The following PRCP variants were observed in gnomAD, a reference collection of about 807,000 sequenced individuals.
PRCP encodes the protein prolylcarboxypeptidase.
Under a neutral mutation model 54.2 loss-of-function variants are expected in PRCP, and 46 were observed. That is an observed-to-expected ratio of 0.85 (90% CI 0.67 to 1.09). The LOEUF (loss-of-function observed/expected upper bound fraction) is 1.09, where lower values mean the gene tolerates loss of function less well. Among genes scored for constraint, PRCP ranks in the 50% least tolerant of loss-of-function variants. The pLI, the probability that PRCP is intolerant of heterozygous loss-of-function variation, is 0.00. For missense variants in PRCP, 613 were observed against 596.8 expected (o/e 1.03, Z -0.28); for synonymous variants, 240 against 212.2 (o/e 1.13, Z -1.14).
At chr11:82,863,816 GGTACTCCT>G (rs1245058080) in intron 1 of PRCP, among the ~76,000 whole-genome samples, 1 of 152,158 alleles carries the variant, frequency 6.6e-6, no homozygotes, top group Non-Finnish European at 1.5e-5. Context: ...CCATGCCCAA[GGTACTCCT>G]GCTCCCAGCA....
In PRCP at chr11:82,823,557, C is replaced by T. The variant is rs1364025624; in HGVS notation, c.*1349G>A. 6.7e-6 allele frequency: 1 copy of T among 150,110 alleles called. No individual in the cohort carries two copies. The highest frequency in any genetic ancestry group is 1.5e-5 in the Non-Finnish European group (1 of 67,622). The allele number at this position is 150,110 out of a possible 1,614,324, so 9.3% of individuals were successfully genotyped here. A position where few individuals can be genotyped will look rare whatever the true frequency, so the allele number is the denominator to read the frequency against. Reference sequence around the variant, plus strand: ...TATATGCCCTTAAAAAAAAAAAATGCCATAAAAATGATCAAGCTCAAGGTA... The same window carrying T: ...TATATGCCCTTAAAAAAAAAAAATGTCATAAAAATGATCAAGCTCAAGGTA... On this transcript the variant is annotated 3_prime_UTR_variant, in exon 9 of 9. Coordinates refer to ENST00000313010, the MANE Select transcript of PRCP (RefSeq NM_005040.4).
At chr11:82,842,045 G>A (rs975386365) in intron 6 of PRCP, among the ~76,000 whole-genome samples, 6 of 152,178 alleles carry the variant, frequency 3.9e-5, no homozygotes, top group African/African-American at 1.4e-4. Flanking sequence ...GACAATGCAA[G>A]CTGGGCAGGG....
Position 82,860,073 on chromosome 11 carries a change from C to A in PRCP, c.213G>T (p.Arg71=), listed in dbSNP as rs771744272. 1.3e-6 allele frequency: 2 copies of A among 1,570,604 alleles called. No homozygotes were observed. Among genetic ancestry groups the A allele is most frequent in the Admixed American group, 3.7e-5 (2 of 54,140 alleles). Residue 71 remains arginine (R), a synonymous_variant, in exon 2 of 9, where the codon CGG becomes CGT. Transcript: ENST00000313010. ...GFNTVKTFNQ[R]YLVADKYWKK... ...TCCAGTATTTATCAGCTACTAGGTA[C>A]CGCTGATTAAAAGTTTTCACAGTAT... is the stretch of plus-strand genomic sequence containing the variant.
In PRCP at chr11:82,900,209, AC is replaced by A. The variant is rs760034181; in HGVS notation, c.168+25del. The A allele has an allele frequency of 1.9e-6, 3 of 1,612,352 alleles. No homozygotes were observed. The South Asian group carries it at 3.3e-5, about 18-fold the overall frequency. On this transcript the variant is annotated intron_variant, in intron 1 of 8. Transcript: ENST00000313010. Reference sequence around the variant, plus strand: ...AGGGTTCCCGGCGGTTGGGCCTGGGACGGCGAAGCCCCCGCTCCCCCTTACC... The same window carrying A: ...AGGGTTCCCGGCGGTTGGGCCTGGGAGGCGAAGCCCCCGCTCCCCCTTACC...
intron 1 of PRCP, 55 bp from the exon 2 acceptor site, chr11:82,860,172 A>G (rs1859177377): frequency 8.2e-7 from 1 of 1,213,412 alleles, no homozygotes; most frequent in African/African-American, 1.6e-5. Context: ...AAATGAGATC[A>G]ACATAAAGGT....
chr11:82,869,905 A>T (rs1213615151), intron 1 of PRCP, among the ~76,000 whole-genome samples: 1 of 152,224 alleles, frequency 6.6e-6, no homozygotes, highest in Non-Finnish European at 1.5e-5. Flanking sequence ...TAAGAGCACC[A>T]CATAACATTT....
At chr11:82,835,610 C>A (rs1290474443) in intron 8 of PRCP, 3 of 315,668 alleles carry the variant, frequency 9.5e-6, no homozygotes, top group African/African-American at 6.7e-5. Flanking sequence ...CAGAGAAAAA[C>A]CAGCCGAAGA....
At chr11:82,828,269 C>A (rs12288782) in intron 8 of PRCP, 1 of 152,154 alleles carries the variant, frequency 6.6e-6, no homozygotes, top group South Asian at 2.1e-4. Context: ...TTCAGCGGAA[C>A]CATGACTGCT....
In PRCP at chr11:82,850,524, G is replaced by C. The variant is rs1334927953; in HGVS notation, c.412-19C>G. ...TGGAATCCTAAAGAAATATAACAAA[G>C]AACACGGGTATAAATGTGCACATAA... On this transcript the variant is annotated intron_variant, in intron 3 of 8. Coordinates refer to ENST00000313010, the MANE Select transcript of PRCP (RefSeq NM_005040.4). The C allele has an allele frequency of 3.3e-6, 5 of 1,538,288 alleles. No individual in the cohort carries two copies. In the African/African-American group the frequency reaches 6.9e-5, roughly 21 times the overall value.
intron 8 of PRCP, chr11:82,826,416 T>C (rs1858235563): frequency 6.6e-6 from 1 of 152,256 alleles, no homozygotes; most frequent in African/African-American, 2.4e-5. Context: ...TAATGAGTAC[T>C]GCTCCTTTGA....
intron 2 of PRCP, among the ~76,000 whole-genome samples, chr11:82,855,254 A>T (rs1165467819): frequency 3.9e-5 from 6 of 152,236 alleles, no homozygotes; most frequent in African/African-American, 1.4e-4. Context: ...CACCTACAGA[A>T]TGAGAGAAAA....
chr11:82,876,615 G>T (rs983296278), intron 1 of PRCP, among the ~76,000 whole-genome samples: 1 of 152,168 alleles, frequency 6.6e-6, no homozygotes, highest in Non-Finnish European at 1.5e-5. Flanking sequence ...TACAAGATCT[G>T]ATAGGTTTAT....
intron 1 of PRCP, among the ~76,000 whole-genome samples, chr11:82,882,338 T>C (rs1859766861): frequency 6.6e-6 from 1 of 152,208 alleles, no homozygotes; most frequent in Non-Finnish European, 1.5e-5. Context: ...AGAAGTGTTA[T>C]GTAATAACAT....
chr11:82,830,092 T>C (rs1287676239), intron 8 of PRCP: 2 of 152,172 alleles, frequency 1.3e-5, no homozygotes, highest in Non-Finnish European at 2.9e-5. Flanking sequence ...TTAAGAAAGA[T>C]AGTACCCTTC....
At chr11:82,852,550 A>G (rs1858982392) in intron 3 of PRCP, among the ~76,000 whole-genome samples, 1 of 152,220 alleles carries the variant, frequency 6.6e-6, no homozygotes, top group African/African-American at 2.4e-5. Context: ...TTAAAGAAAA[A>G]TATTAGGTAA....
At chr11:82,872,828 A>G (rs983031802) in intron 1 of PRCP, among the ~76,000 whole-genome samples, 1 of 152,194 alleles carries the variant, frequency 6.6e-6, no homozygotes, top group African/African-American at 2.4e-5. Flanking sequence ...GGAGGTGGCA[A>G]TGGAACCGAA....
At chr11:82,853,455 T>C (rs2121155067) in intron 2 of PRCP, among the ~76,000 whole-genome samples, 177 bp from the exon 3 acceptor site, 1 of 152,358 alleles carries the variant, frequency 6.6e-6, no homozygotes, top group South Asian at 2.1e-4. Flanking sequence ...TATTGTTGCA[T>C]ATCAATCTCA....
chr11:82,870,702 C>G (rs938069180), intron 1 of PRCP, among the ~76,000 whole-genome samples: 2 of 152,188 alleles, frequency 1.3e-5, no homozygotes, highest in African/African-American at 4.8e-5. Context: ...CTCCATAAAG[C>G]TCCTGAGGTT....
At chr11:82,825,642 AAGGGAGGG>A (rs1203601195) in intron 8 of PRCP, 2 of 155,446 alleles carry the variant, frequency 1.3e-5, no homozygotes, top group African/African-American at 4.9e-5. Flanking sequence ...GGAAAGAAGA[AAGGGAGGG>A]AGGGAGGGAG....
Sources: gnomAD v4.1 joint callset for allele counts (sites outside exome capture counted in the v4.1 genomes callset) on GRCh38, gnomAD v4.1.1 for gene constraint, MANE v1.5 for transcripts, NCBI Gene and HGNC (gene_info 2026-07-23, HGNC 2026-07-21) for gene names.